TNNT2: variants seen among roughly 807,000 people sequenced by gnomAD.
The protein encoded by TNNT2 is troponin T2, cardiac type, also known as troponin T, cardiac muscle.
A neutral mutation model predicts 62.4 loss-of-function variants in TNNT2; 34 were observed. The ratio of observed to expected loss-of-function variants is 0.54; its 90% CI spans 0.41 to 0.72. The LOEUF is 0.72. Among genes scored for constraint, TNNT2 ranks in the 30% least tolerant of loss-of-function variants. TNNT2 has a pLI of 0.00. For missense variants in TNNT2, 275 were observed against 381.9 expected, an observed-to-expected ratio of 0.72 and a Z score of 2.33; for synonymous variants, 123 against 127.2, an observed-to-expected ratio of 0.97 and a Z score of 0.22.
intron 15 of TNNT2, among the ~76,000 whole-genome samples, chr1:201,359,904 A>G (rs550639407): frequency 0.012 from 1,841 of 152,300 alleles, 18 homozygotes; most frequent in Non-Finnish European, 0.018. Flanking sequence ...TCCCAGGGCC[A>G]TAATAGGTTC....
At chr1:201,362,056 G>T (rs1433447009) in intron 13 of TNNT2, 34 bp from the exon 14 acceptor site, 10 of 1,608,226 alleles carry the variant, frequency 6.2e-6, no homozygotes, top group Non-Finnish European at 8.5e-6. Context: ...AAACTGGCCA[G>T]ATTGCCCCCT....
At chr1:201,363,699 A>G in intron 11 of TNNT2, 1 of 445,428 alleles carries the variant, frequency 2.2e-6, no homozygotes. Context: ...GCAGCTGCAC[A>G]GGAAGAGAGC....
intron 10 of TNNT2, 54 bp from the exon 11 acceptor site, chr1:201,364,429 G>T: frequency 4.4e-6 from 7 of 1,576,624 alleles, no homozygotes; most frequent in Non-Finnish European, 6.0e-6. Context: ...AGGTGACATC[G>T]CAGGTACAGA....
chr1:201,374,722 G>A (rs190067133), intron 1 of TNNT2: 12 of 152,302 alleles, frequency 7.9e-5, no homozygotes, highest in Non-Finnish European at 1.8e-4. Context: ...GTGAAGTGTA[G>A]GCATTCAGCT....
At chr1:201,359,505 T>C (rs996517590) in intron 16 of TNNT2, 118 bp downstream of exon 16, 2 of 1,137,572 alleles carry the variant, frequency 1.8e-6, no homozygotes, top group African/African-American at 3.1e-5. Flanking sequence ...ACCTGTGGGC[T>C]GAAGCAGAGG....
rs45516299 is a variant in TNNT2 at position 201,363,507 on chromosome 1, T to C, written c.490-101A>G. The C allele has an allele frequency of 8.4e-4, 931 of 1,111,802 alleles. 10 individuals are homozygous for C. The African/African-American group carries it at 0.012, about 15-fold the overall frequency. 68.9% of individuals were successfully genotyped at this position (1,111,802 alleles called of 1,614,324 possible). A position where few individuals can be genotyped will look rare whatever the true frequency, so the allele number is the denominator to read the frequency against. On this transcript the variant is annotated intron_variant, in intron 11 of 16. Transcript: ENST00000656932. ...GTCTTTATGGGTGAGTTCAGCTTTC[T>C]CTCCGCTCAGCAAGGAGCTTTCTGA...
intron 12 of TNNT2, among the ~76,000 whole-genome samples, chr1:201,362,746 T>C (rs1658915137): frequency 6.6e-6 from 1 of 152,152 alleles, no homozygotes; most frequent in Admixed American, 6.5e-5. Flanking sequence ...CCCTCGAGAA[T>C]GGAGGACCTA....
At chr1:201,360,333 T>C (rs1658382617) in intron 15 of TNNT2, 1 of 156,020 alleles carries the variant, frequency 6.4e-6, no homozygotes, top group Non-Finnish European at 1.4e-5. Flanking sequence ...GGAACAGTGG[T>C]TGGAACACTA....
At chr1:201,369,039 G>A (rs779709335) in intron 5 of TNNT2, among the ~76,000 whole-genome samples, 1 of 152,176 alleles carries the variant, frequency 6.6e-6, no homozygotes, top group Non-Finnish European at 1.5e-5. Context: ...AAGTGTGAAA[G>A]CAGAGGGCTA....
At chr1:201,369,267 C>T (rs1396011584) in intron 5 of TNNT2, 1 of 472,092 alleles carries the variant, frequency 2.1e-6, no homozygotes, top group Non-Finnish European at 4.4e-6. Context: ...AAGCCCTGGT[C>T]TCACTCCCTT....
chr1:201,363,752 A>G (rs1659141481), intron 11 of TNNT2: 2 of 407,184 alleles, frequency 4.9e-6, no homozygotes, highest in Admixed American at 3.7e-5. Context: ...TGGGGAAGGG[A>G]TGAGGGCTGG....
rs1558232184 is a variant in TNNT2 at position 201,365,503 on chromosome 1, C to T, written c.294+107G>A. ...ACCCAGCCTGGCTGGTGCTGCACCC[C>T]ATCCCACCTATGCTCTACCCCAGCC... On this transcript the variant is annotated intron_variant, in intron 9 of 16. Transcript: ENST00000656932. The T allele has an allele frequency of 2.2e-6, 3 of 1,344,036 alleles. No individual in the cohort carries two copies. In the African/African-American group the frequency reaches 4.3e-5, roughly 19 times the overall value. 83.3% of individuals were successfully genotyped at this position (1,344,036 alleles called of 1,614,324 possible). A position where few individuals can be genotyped will look rare whatever the true frequency, so the allele number is the denominator to read the frequency against.
chr1:201,366,475 GT>G (rs1659686877), intron 8 of TNNT2: 1 of 1,167,288 alleles, frequency 8.6e-7, no homozygotes, highest in Non-Finnish European at 1.1e-6. Flanking sequence ...CGGTTTCATT[GT>G]TTGGCTCCCC....
At chr1:201,366,243 G>A (rs1348963742) in intron 8 of TNNT2, 27 of 1,022,926 alleles carry the variant, frequency 2.6e-5, no homozygotes, top group Non-Finnish European at 2.6e-5. Context: ...GGGATGTCTT[G>A]GGCTGGTTTC....
chr1:201,365,161 G>A, intron 10 of TNNT2, 30 bp downstream of exon 10: 2 of 1,562,068 alleles, frequency 1.3e-6, no homozygotes, highest in East Asian at 2.2e-5. Flanking sequence ...GGCCATCAGA[G>A]AATGTTAGGT....
chr1:201,366,985 G>A (rs1659777065), intron 7 of TNNT2, 114 bp from the exon 8 acceptor site: 1 of 1,565,942 alleles, frequency 6.4e-7, no homozygotes. Flanking sequence ...TGCACAGTGA[G>A]TCCCTCCCGG....
In TNNT2 at chr1:201,360,931, G is replaced by A. The variant is rs146613462; in HGVS notation, c.810+348C>T. On this transcript the variant is annotated intron_variant, in intron 15 of 16. Transcript: ENST00000656932. Reference sequence around the variant, plus strand: ...GGGGAGAAGCACCTCTCTGTTGGCAGCACTCCCCTTCCACTGGGGGTCCTG... The same window carrying A: ...GGGGAGAAGCACCTCTCTGTTGGCAACACTCCCCTTCCACTGGGGGTCCTG... 4.8e-3 allele frequency: 1,846 copies of A among 386,616 alleles called. 64 individuals are homozygous for A. The Admixed American group carries it at 0.059, about 12-fold the overall frequency. 23.9% of individuals were successfully genotyped at this position (386,616 alleles called of 1,614,324 possible).
At chr1:201,377,331 G>A (rs944054420) in intron 1 of TNNT2, among the ~76,000 whole-genome samples, 4 of 152,174 alleles carry the variant, frequency 2.6e-5, no homozygotes, top group African/African-American at 9.7e-5. Context: ...CCTGGGGAGG[G>A]AAAGTGACTC....
chr1:201,364,477 G>T (rs1290093767), intron 10 of TNNT2, 102 bp from the exon 11 acceptor site: 1 of 1,248,414 alleles, frequency 8.0e-7, no homozygotes, highest in Non-Finnish European at 1.1e-6. Context: ...CTGGGGGAGG[G>T]TTCCTTCCAG....
Sources: gnomAD v4.1 joint callset for allele counts (sites outside exome capture counted in the v4.1 genomes callset) on GRCh38, gnomAD v4.1.1 for gene constraint, MANE v1.5 for transcripts, NCBI Gene and HGNC (gene_info 2026-07-23, HGNC 2026-07-21) for gene names.